TNS2: variants seen among roughly 807,000 people sequenced by gnomAD.
TNS2 encodes the protein tensin-2.
TNS2 carries 77 observed loss-of-function variants against 155.7 expected under a neutral mutation model. The observed-to-expected ratio is 0.49, with a 90% confidence interval of 0.41 to 0.60. The LOEUF (loss-of-function observed/expected upper bound fraction) is 0.60, where lower values mean the gene tolerates loss of function less well. Among genes scored for constraint, TNS2 ranks in the 20% least tolerant of loss-of-function variants. TNS2 has a pLI of 0.00. For missense variants in TNS2, 1,703 were observed against 1,868.8 expected (o/e 0.91, Z 1.64); for synonymous variants, 726 against 763.9 (o/e 0.95, Z 0.82).
At position 53,059,454 on chromosome 12, in the gene TNS2, C is replaced by A; in HGVS notation, c.1813C>A (p.Pro605Thr). ...GGGCTACCGGGAGCCCTGCGGGGTTCCCAATGGGGGCTACTACCGGCCAGA... is the reference window on the plus strand; with the variant it reads ...GGGCTACCGGGAGCCCTGCGGGGTTACCAATGGGGGCTACTACCGGCCAGA... Reference protein sequence around the residue: ...RQGYREPCGVPNGGYYRPEGT... With the variant: ...RQGYREPCGVTNGGYYRPEGT... Residue 605 changes from proline (P) to threonine (T), a missense_variant, in exon 18 of 29, where the codon CCC becomes ACC. Coordinates refer to ENST00000314250, the MANE Select transcript of TNS2 (RefSeq NM_170754.4). This position sits in a 1 kb window ranked among gnomAD's most constrained non-coding sequence, Gnocchi z 4.7. 6.6e-7 allele frequency: 1 copy of A among 1,512,156 alleles called. No individual in the cohort carries two copies. The highest frequency in any genetic ancestry group is 1.3e-5 in the South Asian group (1 of 74,968). 93.7% of individuals were successfully genotyped at this position (1,512,156 alleles called of 1,614,324 possible).
In TNS2 at chr12:53,060,515, A is replaced by G; in HGVS notation, c.2728A>G (p.Thr910Ala). The G allele has an allele frequency of 6.2e-7, 1 of 1,613,706 alleles. No homozygotes were observed. Among genetic ancestry groups the G allele is most frequent in the Non-Finnish European group, 8.5e-7 (1 of 1,179,956 alleles). ...TTCGTCAGAGTTGTCTGGTCCCTCCACGCCCCTGCACACCAGCAGTCCAGT... is the reference window on the plus strand; with the variant it reads ...TTCGTCAGAGTTGTCTGGTCCCTCCGCGCCCCTGCACACCAGCAGTCCAGT... The part of the protein sequence containing the change: ...SASSELSGPS[T>A]PLHTSSPVQG... Residue 910 changes from threonine (T) to alanine (A), a missense_variant, in exon 19 of 29, where the codon ACG becomes GCG. Physicochemically the swap from Thr to Ala is moderately conservative, Grantham distance 58. Coordinates refer to ENST00000314250, the MANE Select transcript of TNS2 (RefSeq NM_170754.4). The surrounding 1 kb of genome is among the most constrained non-coding windows in gnomAD (Gnocchi z 6.1).
chr12:53,060,370 T>G lies in TNS2; in HGVS notation c.2618-35T>G. On this transcript the variant is annotated intron_variant, in intron 18 of 28. Coordinates refer to ENST00000314250, the MANE Select transcript of TNS2 (RefSeq NM_170754.4). This position sits in a 1 kb window ranked among gnomAD's most constrained non-coding sequence, Gnocchi z 6.1. ...AGCTAAGCCAGACAGAAGAGCCCCA[T>G]CCTGCTCACAGCCCACCTCTCCCCT... The G allele has an allele frequency of 6.2e-7, 1 of 1,601,976 alleles. No individual in the cohort carries two copies.
intron 17 of TNS2, 57 bp from the exon 18 acceptor site, chr12:53,058,990 C>T: frequency 3.2e-6 from 5 of 1,538,808 alleles, no homozygotes; most frequent in Non-Finnish European, 4.4e-6. Flanking sequence ...CATGAATTTT[C>T]TCTCTCCCTC....
At position 53,059,097 on chromosome 12, in the gene TNS2, G is replaced by A; in HGVS notation, c.1456G>A (p.Val486Met). 6.5e-7 allele frequency: 1 copy of A among 1,549,630 alleles called. No homozygotes were observed. The highest frequency in any genetic ancestry group is 8.7e-7 in the Non-Finnish European group (1 of 1,154,612). Residue 486 changes from valine to methionine, a missense_variant, in exon 18 of 29, where the codon GTG (valine) becomes ATG (methionine). Val to Met is a conservative substitution (Grantham distance 21). Transcript: ENST00000314250. This position sits in a 1 kb window ranked among gnomAD's most constrained non-coding sequence, Gnocchi z 4.7. Reference sequence around the variant, plus strand: ...CCTGGATGGCAGTCCTTATGCCCAGGTGCAGCGGCCTCCCCGGCAGACCCC... The same window carrying A: ...CCTGGATGGCAGTCCTTATGCCCAGATGCAGCGGCCTCCCCGGCAGACCCC... ...GPLDGSPYAQ[V>M]QRPPRQTPPA... is the part of the protein sequence containing the mutation.
Position 53,061,202 on chromosome 12 carries a change from G to A in TNS2, c.3296G>A (p.Arg1099Lys). The change falls in exon 20 of 29, where the codon AGA becomes AAA. Residue 1099 changes from arginine (R) to lysine (K), a missense_variant. Physicochemically the swap from Arg to Lys is conservative, Grantham distance 26. Transcript: ENST00000314250. The part of the protein sequence containing the change: ...WGPEQASSPA[R>K]GISHHVTFAP... ...CCAGAGCAGGCATCATCGCCAGCCA[G>A]AGGCATCAGTCACCATGTCACCTTC... 6.3e-7 allele frequency: 1 copy of A among 1,579,840 alleles called. No individual in the cohort carries two copies. Among genetic ancestry groups the A allele is most frequent in the Non-Finnish European group, 8.6e-7 (1 of 1,163,198 alleles).
At position 53,055,795 on chromosome 12, in the gene TNS2, G is replaced by T. The variant is rs780153099; in HGVS notation, c.711G>T (p.Lys237Asn). Residue 237 changes from lysine to asparagine, a missense_variant, in exon 10 of 29, where the codon AAG (lysine) becomes AAT (asparagine). Physicochemically the swap from Lys to Asn is moderately conservative, Grantham distance 94. Coordinates refer to ENST00000314250, the MANE Select transcript of TNS2 (RefSeq NM_170754.4). The stretch of plus-strand genomic sequence containing the variant: ...CTGTCTGTCAGGGAAACAAGGGCAA[G>T]CTTGGGGTCATCGTTTCTGCCTACA... ...VVLYCKGNKG[K>N]LGVIVSAYMH... is the part of the protein sequence containing the mutation. The T allele has an allele frequency of 6.2e-7, 1 of 1,614,238 alleles. No homozygotes were observed. Among genetic ancestry groups the T allele is most frequent in the Non-Finnish European group, 8.5e-7 (1 of 1,180,036 alleles).
Position 53,063,265 on chromosome 12 carries a change from T to C in TNS2, c.3992+8T>C, listed in dbSNP as rs907515960. The C allele has an allele frequency of 1.9e-6, 3 of 1,613,530 alleles. No individual in the cohort carries two copies. The highest frequency in any genetic ancestry group is 2.5e-6 in the Non-Finnish European group (3 of 1,179,834). On this transcript the variant is annotated splice_region_variant and intron_variant, in intron 26 of 28. Transcript: ENST00000314250. This position sits in a 1 kb window ranked among gnomAD's most constrained non-coding sequence, Gnocchi z 5.6. ...GACGGACAACCAAAGGAAGTATGTA[T>C]ACTCAGCCCTGTAGAACCCCATGCT...
rs1194781492 is a variant in TNS2, at chr12:53,056,957, G to T, written c.762-56G>T. On this transcript the variant is annotated intron_variant, in intron 10 of 28. Transcript: ENST00000314250. ...CTCCATCCCCTGGGGCTTAGGGATG[G>T]GAGGCCAGGATGAAGATTAATCCCT... The T allele has an allele frequency of 2.6e-6, 4 of 1,535,104 alleles. No individual in the cohort carries two copies. In the African/African-American group the frequency reaches 5.5e-5, roughly 21 times the overall value.
intron 25 of TNS2, 122 bp downstream of exon 25, chr12:53,062,819 G>A: frequency 8.1e-7 from 1 of 1,231,790 alleles, no homozygotes; most frequent in Non-Finnish European, 1.1e-6. Context: ...ATGAGGGCAG[G>A]GGAGCCCCAT....
chr12:53,049,286 T>A, upstream of TNS2: 11 of 1,538,554 alleles, frequency 7.1e-6, no homozygotes, highest in African/African-American at 1.4e-5. Flanking sequence ...GGGGGGAGGG[T>A]GCAGCCCTTG....
At chr12:53,053,321 C>T (rs1944010277) in intron 3 of TNS2, 90 bp from the exon 4 acceptor site, 1 of 1,509,938 alleles carries the variant, frequency 6.6e-7, no homozygotes, top group Non-Finnish European at 9.2e-7. Context: ...GGCCCCTCCA[C>T]CTTCCTCCTG....
At chr12:53,048,565 GC>G (rs1943810903), upstream of TNS2, among the ~76,000 whole-genome samples, 1 of 152,192 alleles carries the variant, frequency 6.6e-6, no homozygotes, top group Non-Finnish European at 1.5e-5. Context: ...CTGGGACACA[GC>G]CAGGCTGGCA....
In TNS2 at chr12:53,060,621, G is replaced by T; in HGVS notation, c.2769-54G>T. 6.3e-7 allele frequency: 1 copy of T among 1,592,446 alleles called. No individual in the cohort carries two copies. Among genetic ancestry groups the T allele is most frequent in the Non-Finnish European group, 8.6e-7 (1 of 1,167,420 alleles). Reference sequence around the variant, plus strand: ...CAAGCAGTTGATGAAGGCAGGTGGGGTGGGAGCAGCCACAATGGGGGCTCT... The same window carrying T: ...CAAGCAGTTGATGAAGGCAGGTGGGTTGGGAGCAGCCACAATGGGGGCTCT... On this transcript the variant is annotated intron_variant, in intron 19 of 28. Transcript: ENST00000314250. The surrounding 1 kb of genome is among the most constrained non-coding windows in gnomAD (Gnocchi z 6.1).
chr12:53,058,290 TC>T, intron 14 of TNS2, 25 bp from the exon 15 acceptor site: 1 of 1,612,880 alleles, frequency 6.2e-7, no homozygotes. Context: ...TGAGGCCTGA[TC>T]CGCAGCCTCC....
Position 53,053,481 on chromosome 12 carries a change from C to G in TNS2, c.261+32C>G, listed in dbSNP as rs187377419. On this transcript the variant is annotated intron_variant, in intron 4 of 28. Coordinates refer to ENST00000314250, the MANE Select transcript of TNS2 (RefSeq NM_170754.4). Reference sequence around the variant, plus strand: ...GCGCTCTGGGATGGGGTGGGGAGGGCAAGGAACCTGGCCATGGTGTCCAGA... The same window carrying G: ...GCGCTCTGGGATGGGGTGGGGAGGGGAAGGAACCTGGCCATGGTGTCCAGA... The G allele has an allele frequency of 5.4e-3, 8,699 of 1,613,344 alleles. 44 individuals carry two copies. Among genetic ancestry groups the G allele is most frequent in the Middle Eastern group, 0.018 (111 of 6,056 alleles).
At position 53,059,102 on chromosome 12, in the gene TNS2, G is replaced by T; in HGVS notation, c.1461G>T (p.Gln487His). The change falls in exon 18 of 29, where the codon CAG becomes CAT. Residue 487 changes from glutamine (Q) to histidine (H), a missense_variant. By Grantham distance (24) the Gln-to-His change is conservative (BLOSUM62 0). Transcript: ENST00000314250. The surrounding 1 kb of genome is among the most constrained non-coding windows in gnomAD (Gnocchi z 4.7). ...PLDGSPYAQV[Q>H]RPPRQTPPAP... ...ATGGCAGTCCTTATGCCCAGGTGCA[G>T]CGGCCTCCCCGGCAGACCCCCCCGG... 1 of 1,549,450 alleles carries T rather than the reference G, an allele frequency of 6.5e-7. No homozygotes were observed.
Position 53,062,464 on chromosome 12 carries a change from G to C in TNS2, c.3745+11G>C. On this transcript the variant is annotated intron_variant, in intron 24 of 28. Coordinates refer to ENST00000314250, the MANE Select transcript of TNS2 (RefSeq NM_170754.4). ...GCATTCCCAGCAAAGGTGAGTGTCT[G>C]GTCATCTGTCCTCCCCACCTCTCCC... The C allele has an allele frequency of 1.9e-6, 3 of 1,613,350 alleles. No individual in the cohort carries two copies. Among genetic ancestry groups the C allele is most frequent in the Non-Finnish European group, 2.5e-6 (3 of 1,179,858 alleles).
In TNS2 at chr12:53,061,217, A is replaced by C; in HGVS notation, c.3311A>C (p.His1104Pro). ...TCGCCAGCCAGAGGCATCAGTCACC[A>C]TGTCACCTTCGCACCTCTGCTCTCA... is the stretch of plus-strand genomic sequence containing the variant. ...ASSPARGISH[H>P]VTFAPLLSDN... Residue 1104 changes from histidine (H) to proline (P), a missense_variant, in exon 20 of 29, where the codon CAT (histidine) becomes CCT (proline). His to Pro is a moderately conservative substitution (Grantham distance 77). Transcript: ENST00000314250. 6.4e-7 allele frequency: 1 copy of C among 1,574,438 alleles called. No individual in the cohort carries two copies. Among genetic ancestry groups the C allele is most frequent in the Non-Finnish European group, 8.6e-7 (1 of 1,159,816 alleles).
In TNS2 at chr12:53,051,842, C is replaced by T; in HGVS notation, c.76-13C>T. 6.2e-7 allele frequency: 1 copy of T among 1,606,922 alleles called. No individual in the cohort carries two copies. Among genetic ancestry groups the T allele is most frequent in the Non-Finnish European group, 8.5e-7 (1 of 1,175,648 alleles). On this transcript the variant is annotated splice_polypyrimidine_tract_variant and intron_variant, in intron 1 of 28. Transcript: ENST00000314250. ...CTGGGAACTCACACCTCTGTTTGTC[C>T]CTCCACCTTCAGCCTAGGAAAGCTG...
Sources: allele counts gnomAD v4.1 joint callset (sites outside exome capture counted in the v4.1 genomes callset), GRCh38; gene constraint gnomAD v4.1.1; non-coding constraint Gnocchi (gnomAD v3.1); transcripts MANE v1.5; gene names NCBI Gene and HGNC (gene_info 2026-07-23, HGNC 2026-07-21).